Variants in PTBP3 observed in about 807,000 individuals in gnomAD.
PTBP3 encodes polypyrimidine tract-binding protein 3.
PTBP3 carries 20 observed loss-of-function variants against 58.7 expected under a neutral mutation model. That is an observed-to-expected ratio of 0.34 (90% CI 0.24 to 0.50). PTBP3 has a LOEUF of 0.50. PTBP3 is among the 20% of genes least tolerant of loss of function. The probability of loss-of-function intolerance (pLI) is 0.98; values close to 1 mark genes in which losing one functional copy is unlikely to be tolerated. For synonymous variants in PTBP3, 185 were observed against 219.8 expected (o/e 0.84, Z 1.40); for missense variants, 509 against 637.2 (o/e 0.80, Z 2.17).
intron 2 of PTBP3, among the ~76,000 whole-genome samples, chr9:112,287,270 T>C (rs999456400): frequency 6.6e-6 from 1 of 152,030 alleles, no homozygotes; most frequent in African/African-American, 2.4e-5. Flanking sequence ...CAGTTATACA[T>C]ATGTGTGTTT....
the PTBP3 span, among the ~76,000 whole-genome samples, chr9:112,355,621 C>CTT: frequency 7.0e-4 from 89 of 127,792 alleles, 1 homozygote; most frequent in African/African-American, 1.5e-3. Flanking sequence ...AACTCTTTTT[C>CTT]TTTTTTTTTT....
upstream of PTBP3, among the ~76,000 whole-genome samples, chr9:112,337,338 G>T (rs1830585042): frequency 6.6e-6 from 1 of 152,108 alleles, no homozygotes; most frequent in Non-Finnish European, 1.5e-5. Flanking sequence ...CCAATTCAAA[G>T]AACTTATAGA....
At chr9:112,295,839 C>G (rs1471613646) in intron 2 of PTBP3, among the ~76,000 whole-genome samples, 1 of 152,122 alleles carries the variant, frequency 6.6e-6, no homozygotes, top group Non-Finnish European at 1.5e-5. Flanking sequence ...ACATATAACT[C>G]TAACATAATT....
chr9:112,375,078 T>A, the PTBP3 span, among the ~76,000 whole-genome samples: 28 of 152,208 alleles, frequency 1.8e-4, no homozygotes, highest in African/African-American at 6.8e-4. Context: ...CACTGGATGA[T>A]GACAGGGGTG....
intron 1 of PTBP3, among the ~76,000 whole-genome samples, chr9:112,322,294 A>C (rs1829987548): frequency 6.6e-6 from 1 of 152,112 alleles, no homozygotes; most frequent in South Asian, 2.1e-4. Context: ...CAATCTAGGG[A>C]ATGGGTATTT....
intron 8 of PTBP3, among the ~76,000 whole-genome samples, chr9:112,233,424 A>C (rs1353966075): frequency 2.0e-5 from 3 of 151,978 alleles, no homozygotes; most frequent in Admixed American, 2.0e-4. Context: ...TCTAAAAGAA[A>C]TATCCAAAAT....
chr9:112,265,945 A>G (rs1234697017), intron 4 of PTBP3, among the ~76,000 whole-genome samples: 1 of 152,216 alleles, frequency 6.6e-6, no homozygotes, highest in African/African-American at 2.4e-5. Context: ...AGAAGAAAAC[A>G]TATGTAGATT....
rs1834813195 is a variant in PTBP3, at chr9:112,221,681, G to A, written c.*2170C>T. ...AAAACTCCCACAACTACATACATGAGTATATCTATCTATTCAGCCAAACTG... is the reference window on the plus strand; with the variant it reads ...AAAACTCCCACAACTACATACATGAATATATCTATCTATTCAGCCAAACTG... On this transcript the variant is annotated 3_prime_UTR_variant, in exon 14 of 14. Coordinates refer to ENST00000374257, the MANE Select transcript of PTBP3 (RefSeq NM_001163788.4). 2.0e-6 allele frequency: 2 copies of A among 985,136 alleles called. No homozygotes were observed. The highest frequency in any genetic ancestry group is 2.4e-6 in the Non-Finnish European group (2 of 829,748). 61.0% of individuals were successfully genotyped at this position (985,136 alleles called of 1,614,324 possible).
the PTBP3 span, among the ~76,000 whole-genome samples, chr9:112,370,602 T>C: frequency 6.6e-6 from 1 of 152,194 alleles, no homozygotes; most frequent in African/African-American, 2.4e-5. Flanking sequence ...TCAAATTGTC[T>C]TAGCTATTGG....
chr9:112,223,671 C>T lies in PTBP3; in HGVS notation c.*180G>A, dbSNP rs1436793398. ...GTAAAAAGGGAAAAGAAACCTTTGACTGGCGGGGGCAGGGGGAATACAAAA... is the reference window on the plus strand; with the variant it reads ...GTAAAAAGGGAAAAGAAACCTTTGATTGGCGGGGGCAGGGGGAATACAAAA... On this transcript the variant is annotated 3_prime_UTR_variant, in exon 14 of 14. Coordinates refer to ENST00000374257, the MANE Select transcript of PTBP3 (RefSeq NM_001163788.4). 7.8e-7 allele frequency: 1 copy of T among 1,287,542 alleles called. No homozygotes were observed. The highest frequency in any genetic ancestry group is 3.6e-5 in the Admixed American group (1 of 27,414). The allele number at this position is 1,287,542 out of a possible 1,614,324, so 79.8% of individuals were successfully genotyped here.
chr9:112,328,905 C>A (rs749443539), intron 1 of PTBP3, among the ~76,000 whole-genome samples: 15 of 152,108 alleles, frequency 9.9e-5, no homozygotes, highest in Non-Finnish European at 2.1e-4. Flanking sequence ...AGTGGTGGAA[C>A]AAATTTACAT....
chr9:112,233,288 TGTGTGTGTGTG>T (rs1835317130), intron 8 of PTBP3, among the ~76,000 whole-genome samples: 2 of 145,002 alleles, frequency 1.4e-5, no homozygotes, highest in Non-Finnish European at 3.0e-5. Flanking sequence ...TGTGTGTGTG[TGTGTGTGTGTG>T]TGTGTGTGTG....
intron 5 of PTBP3, among the ~76,000 whole-genome samples, chr9:112,253,678 G>C (rs2132087754): frequency 6.6e-6 from 1 of 152,242 alleles, no homozygotes; most frequent in East Asian, 1.9e-4. Flanking sequence ...GGATCATAGG[G>C]ACAGTTTCCC....
intron 2 of PTBP3, among the ~76,000 whole-genome samples, chr9:112,292,362 G>A (rs747769593): frequency 1.1e-4 from 17 of 152,178 alleles, no homozygotes; most frequent in Non-Finnish European, 2.1e-4. Context: ...ATGAAACACA[G>A]TATGATGGTT....
At chr9:112,311,183 T>C (rs914274887) in intron 1 of PTBP3, among the ~76,000 whole-genome samples, 2 of 151,488 alleles carry the variant, frequency 1.3e-5, no homozygotes, top group African/African-American at 2.4e-5. Flanking sequence ...GTTGCAGTTA[T>C]GGTGGAAAAT....
At chr9:112,250,882 T>C (rs1836084557) in intron 7 of PTBP3, 47 bp downstream of exon 7, 1 of 1,440,234 alleles carries the variant, frequency 6.9e-7, no homozygotes, top group Non-Finnish European at 9.2e-7. Context: ...AAATGAAACT[T>C]GTAACTTCAG....
chr9:112,228,393 A>C lies in PTBP3; in HGVS notation c.1134T>G (p.Asn378Lys). 6.2e-7 allele frequency: 1 copy of C among 1,602,908 alleles called. No individual in the cohort carries two copies. The highest frequency in any genetic ancestry group is 8.5e-7 in the Non-Finnish European group (1 of 1,176,468). The change falls in exon 11 of 14, where the codon AAT (asparagine) becomes AAG (lysine). Residue 378 changes from asparagine (N) to lysine (K), a missense_variant. By Grantham distance (94) the Asn-to-Lys change is moderately conservative (BLOSUM62 0). This residue lies in a region of PTBP3 where 135 missense variants were observed against 229.0 expected (regional missense o/e 0.59). Transcript: ENST00000374257. ...ENALVQMADA[N>K]QAQLAMNHLS... ...AATCATTAGTACCTAGCTGAGCTTG[A>C]TTTGCATCCGCCATCTGAACCAAGG...
At chr9:112,306,146 T>C (rs990465101) in intron 1 of PTBP3, among the ~76,000 whole-genome samples, 3 of 152,062 alleles carry the variant, frequency 2.0e-5, no homozygotes, top group Admixed American at 1.3e-4. Flanking sequence ...TATAACAAAA[T>C]TATTAATTTG....
Position 112,295,854 on chromosome 9 carries a change from T to C in PTBP3, c.34+1978A>G, listed in dbSNP as rs73658031. Among the ~76,000 whole-genome samples, 1,037 of 152,326 alleles carry C rather than the reference T, an allele frequency of 6.8e-3. 8 individuals carry two copies. The highest frequency in any genetic ancestry group is 0.016 in the African/African-American group (684 of 41,574). On this transcript the variant is annotated intron_variant, in intron 2 of 13. Transcript: ENST00000374257. The stretch of plus-strand genomic sequence containing the variant: ...ACATATAACTCTAACATAATTCTTA[T>C]CAGAATCCCTAAGATATTGTAGGTA...
Sources: gnomAD v4.1 joint callset for allele counts (sites outside exome capture counted in the v4.1 genomes callset) on GRCh38, gnomAD v4.1.1 for gene constraint, gnomAD v4.1.1 regional missense constraint, MANE v1.5 for transcripts, NCBI Gene and HGNC (gene_info 2026-07-23, HGNC 2026-07-21) for gene names.